The following KLF7 variants were observed in gnomAD, a reference collection of about 807,000 sequenced individuals.
The protein encoded by KLF7 is KLF transcription factor 7, also known as Krueppel-like factor 7.
KLF7 carries 2 observed loss-of-function variants against 27.3 expected under a neutral mutation model. The observed-to-expected ratio is 0.07, with a 90% CI of 0.03 to 0.23. The LOEUF (loss-of-function observed/expected upper bound fraction) is 0.23. Ranked by LOEUF, KLF7 falls within the 10% of genes least tolerant of loss-of-function variation. The pLI is 1.00. For synonymous variants in KLF7, 165 were observed against 162.4 expected (o/e 1.02, Z -0.12); for missense variants, 221 against 394.1 (o/e 0.56, Z 3.72).
chr2:207,096,298 A>C (rs2105894647), intron 2 of KLF7, among the ~76,000 whole-genome samples: 2 of 152,286 alleles, frequency 1.3e-5, no homozygotes, highest in South Asian at 4.1e-4. Context: ...CAAGACCCTG[A>C]ATGCTTCACC....
chr2:207,098,357 C>T (rs941357281), intron 2 of KLF7, among the ~76,000 whole-genome samples: 3 of 152,024 alleles, frequency 2.0e-5, no homozygotes, highest in Admixed American at 6.6e-5. Flanking sequence ...TTAATCTTTC[C>T]CTTTCAAGAT....
intron 1 of KLF7, among the ~76,000 whole-genome samples, chr2:207,145,251 T>A (rs1482069979): frequency 6.6e-6 from 1 of 152,218 alleles, no homozygotes; most frequent in Admixed American, 6.5e-5. Flanking sequence ...ATATGTAACA[T>A]GGAAAGACCC....
intron 1 of KLF7, chr2:207,149,155 A>T (rs1334238440): frequency 7.8e-7 from 1 of 1,288,298 alleles, no homozygotes; most frequent in East Asian, 5.6e-5. Context: ...AGTCAATAAT[A>T]AGAAACTGGT....
At chr2:207,136,746 G>C (rs935924636) in intron 1 of KLF7, among the ~76,000 whole-genome samples, 2 of 152,160 alleles carry the variant, frequency 1.3e-5, no homozygotes, top group East Asian at 3.9e-4. Context: ...CATACTAGTT[G>C]AATCAATCAG....
upstream of KLF7, among the ~76,000 whole-genome samples, chr2:207,169,875 C>T (rs1450612956): frequency 6.6e-6 from 1 of 151,938 alleles, no homozygotes; most frequent in Non-Finnish European, 1.5e-5. Context: ...ATTACTCCAC[C>T]GACTGGCTCT....
At chr2:207,092,748 A>G (rs2076540961) in intron 2 of KLF7, among the ~76,000 whole-genome samples, 1 of 152,240 alleles carries the variant, frequency 6.6e-6, no homozygotes, top group South Asian at 2.1e-4. Flanking sequence ...ACTGCCATAA[A>G]TACTTTTTGA....
At chr2:207,157,219 T>TAAAAAAAAAAAAAAAAAAAAAG (rs2078408689) in intron 1 of KLF7, among the ~76,000 whole-genome samples, 2 of 87,306 alleles carry the variant, frequency 2.3e-5, no homozygotes, top group East Asian at 3.2e-4. Flanking sequence ...AACAGAAAAG[T>TAAAAAAAAAAAAAAAAAAAAAG]AAAAAAAAAA....
intron 3 of KLF7, among the ~76,000 whole-genome samples, chr2:207,083,593 AT>A (rs1410023958): frequency 6.6e-6 from 1 of 152,182 alleles, no homozygotes; most frequent in Non-Finnish European, 1.5e-5. Flanking sequence ...TGGGCTGTCA[AT>A]TTAAGGAGCT....
chr2:207,114,602 T>A (rs2077127688), intron 2 of KLF7, among the ~76,000 whole-genome samples: 1 of 152,212 alleles, frequency 6.6e-6, no homozygotes, highest in Non-Finnish European at 1.5e-5. Context: ...ACAGATAGAA[T>A]CCTGCATTTT....
chr2:207,115,673 G>C (rs1217850017), intron 2 of KLF7, among the ~76,000 whole-genome samples: 1 of 152,224 alleles, frequency 6.6e-6, no homozygotes, highest in Non-Finnish European at 1.5e-5. Context: ...TAGCAGAGGA[G>C]GGGTAGATGG....
At chr2:207,097,875 G>A (rs2076669153) in intron 2 of KLF7, among the ~76,000 whole-genome samples, 1 of 152,136 alleles carries the variant, frequency 6.6e-6, no homozygotes, top group African/African-American at 2.4e-5. Context: ...AATGTATGCA[G>A]TCTTCTAGTA....
chr2:207,151,040 A>AGG, intron 1 of KLF7, among the ~76,000 whole-genome samples: 1 of 119,352 alleles, frequency 8.4e-6, no homozygotes, highest in South Asian at 3.0e-4. Context: ...GGAGGGAGGG[A>AGG]GGGTGAAAAG....
In KLF7 at chr2:207,121,206, G is replaced by A. The variant is rs539751747; in HGVS notation, c.733+2568C>T. ...TCCTCCACAACTTGTATCCACAGGT[G>A]TCATCACCCCACATCCCATTGATCA... On this transcript the variant is annotated intron_variant, in intron 2 of 3. Transcript: ENST00000309446. Among the ~76,000 whole-genome samples, 9 of 152,308 alleles carry A rather than the reference G, an allele frequency of 5.9e-5. No individual in the cohort carries two copies. The South Asian group carries it at 1.7e-3, about 28-fold the overall frequency.
chr2:207,092,985 C>T (rs973047152), intron 2 of KLF7, among the ~76,000 whole-genome samples: 5 of 152,188 alleles, frequency 3.3e-5, no homozygotes, highest in African/African-American at 9.6e-5. Context: ...TTGCTCTCAG[C>T]CCCACCATCT....
intron 2 of KLF7, among the ~76,000 whole-genome samples, chr2:207,116,253 G>A (rs1353199915): frequency 2.0e-5 from 3 of 152,158 alleles, no homozygotes; most frequent in Non-Finnish European, 4.4e-5. Context: ...TTTGTTTCCT[G>A]AGGATCCGTT....
Position 207,078,341 on chromosome 2 carries a change from AAG to A in KLF7, c.*2870_*2871del, listed in dbSNP as rs1425382872. 6.6e-6 allele frequency: 1 copy of A among 152,200 alleles called. No homozygotes were observed. The highest frequency in any genetic ancestry group is 1.5e-5 in the Non-Finnish European group (1 of 68,034). The allele number at this position is 152,200 out of a possible 1,614,324, so 9.4% of individuals were successfully genotyped here. On this transcript the variant is annotated 3_prime_UTR_variant, in exon 4 of 4. Coordinates refer to ENST00000309446, the MANE Select transcript of KLF7 (RefSeq NM_003709.4). ...ATTACAAAGGACCTCACTGATACAAAAGAGAGAGAAATTACTGAACATTTCAG... is the reference window on the plus strand; with the variant it reads ...ATTACAAAGGACCTCACTGATACAAAAGAGAGAAATTACTGAACATTTCAG...
At chr2:207,157,339 A>T (rs1344630717) in intron 1 of KLF7, among the ~76,000 whole-genome samples, 1 of 152,078 alleles carries the variant, frequency 6.6e-6, no homozygotes, top group Admixed American at 6.6e-5. Context: ...GTTGGCTGGT[A>T]GCAAGGGAGG....
At chr2:207,105,908 G>C (rs1022136277) in intron 2 of KLF7, among the ~76,000 whole-genome samples, 2 of 152,132 alleles carry the variant, frequency 1.3e-5, no homozygotes, top group African/African-American at 2.4e-5. Context: ...TGCTCTAAGT[G>C]TAAAATACGC....
chr2:207,119,767 A>T (rs2077286419), intron 2 of KLF7, among the ~76,000 whole-genome samples: 1 of 152,078 alleles, frequency 6.6e-6, no homozygotes, highest in Admixed American at 6.5e-5. Context: ...GCAGTGACGC[A>T]ATCTCGGCGC....
Sources: gnomAD v4.1 joint callset for allele counts (sites outside exome capture counted in the v4.1 genomes callset) on GRCh38, gnomAD v4.1.1 for gene constraint, MANE v1.5 for transcripts, NCBI Gene and HGNC (gene_info 2026-07-23, HGNC 2026-07-21) for gene names.